Variants in ANKS1B observed in about 807,000 individuals in gnomAD.
ANKS1B encodes the protein ankyrin repeat and sterile alpha motif domain containing 1B.
Under a neutral mutation model 148.3 loss-of-function variants are expected in ANKS1B, and 36 were observed. The ratio of observed to expected loss-of-function variants is 0.24; its 90% CI spans 0.19 to 0.32. ANKS1B has a LOEUF of 0.32. Ranked by LOEUF, ANKS1B falls within the 10% of genes least tolerant of loss-of-function variation. The probability of loss-of-function intolerance (pLI) is 1.00; values close to 1 mark genes in which losing one functional copy is unlikely to be tolerated. For missense variants in ANKS1B, 1,157 were observed against 1,542.6 expected, an observed-to-expected ratio of 0.75 and a Z score of 4.19; for synonymous variants, 542 against 560.8, an observed-to-expected ratio of 0.97 and a Z score of 0.47.
intron 4 of ANKS1B, among the ~76,000 whole-genome samples, chr12:99,801,094 T>A (rs1179111079): frequency 1.3e-5 from 2 of 152,158 alleles, no homozygotes; most frequent in African/African-American, 4.8e-5. Context: ...TGAGTATATT[T>A]CTCTTCCTCT....
In ANKS1B at chr12:99,962,939, G is replaced by A. The variant is rs2095435423; in HGVS notation, c.134+21165C>T. ...CGCCATTCTCCTGCCTCAGCCTCCG[G>A]AGTAGCTGGGACTACAGGCGCCCAC... On this transcript the variant is annotated intron_variant, in intron 1 of 26. Transcript: ENST00000683438. 2.0e-5 allele frequency among the ~76,000 whole-genome samples: 3 copies of A among 151,864 alleles called. No individual in the cohort carries two copies. In the South Asian group the frequency reaches 6.2e-4, roughly 32 times the overall value.
At chr12:99,368,539 T>C (rs989325206) in intron 12 of ANKS1B, among the ~76,000 whole-genome samples, 2 of 152,056 alleles carry the variant, frequency 1.3e-5, no homozygotes, top group African/African-American at 4.8e-5. Context: ...AGATCAAAGT[T>C]AGAAACTTAT....
chr12:99,155,063 T>C, intron 14 of ANKS1B: 1 of 1,534,908 alleles, frequency 6.5e-7, no homozygotes, highest in Non-Finnish European at 8.7e-7. Flanking sequence ...TAAATCTGAA[T>C]TGAATCTTCA....
chr12:99,638,847 G>A (rs941710477), intron 9 of ANKS1B, among the ~76,000 whole-genome samples: 13 of 152,140 alleles, frequency 8.5e-5, no homozygotes, highest in Non-Finnish European at 1.0e-4. Flanking sequence ...ACAACTTGGC[G>A]CCCTGCATCC....
chr12:98,798,049 G>A (rs146076622), intron 22 of ANKS1B, among the ~76,000 whole-genome samples: 7 of 152,092 alleles, frequency 4.6e-5, no homozygotes, highest in African/African-American at 7.2e-5. Flanking sequence ...TCTGCAATAC[G>A]AGTTAGAGTT....
At chr12:99,591,914 A>G (rs995396820) in intron 9 of ANKS1B, among the ~76,000 whole-genome samples, 1 of 152,186 alleles carries the variant, frequency 6.6e-6, no homozygotes, top group Non-Finnish European at 1.5e-5. Context: ...ATCTTTTTCA[A>G]TTGCTGTTGC....
At chr12:99,736,914 T>C (rs375417119) in intron 8 of ANKS1B, among the ~76,000 whole-genome samples, 1 of 152,166 alleles carries the variant, frequency 6.6e-6, no homozygotes, top group South Asian at 2.1e-4. Context: ...CAAGAAGACA[T>C]ACAAATGGCC....
chr12:99,183,699 G>A (rs1566575293), intron 14 of ANKS1B, among the ~76,000 whole-genome samples: 1 of 152,158 alleles, frequency 6.6e-6, no homozygotes, highest in Non-Finnish European at 1.5e-5. Flanking sequence ...TTGGGAAATA[G>A]AGGGCAAAGC....
chr12:99,812,005 C>A, intron 3 of ANKS1B, 150 bp downstream of exon 3: 1 of 888,448 alleles, frequency 1.1e-6, no homozygotes. Flanking sequence ...TATCCAAACA[C>A]CAAAGAATTT....
At chr12:99,796,732 T>C (rs1051195256) in intron 4 of ANKS1B, among the ~76,000 whole-genome samples, 15 of 151,920 alleles carry the variant, frequency 9.9e-5, no homozygotes, top group Non-Finnish European at 2.9e-5. Flanking sequence ...TGACAAGTAT[T>C]ATCAATAATA....
chr12:99,776,971 C>T (rs1457561521), intron 6 of ANKS1B, among the ~76,000 whole-genome samples: 4 of 152,248 alleles, frequency 2.6e-5, no homozygotes, highest in South Asian at 2.1e-4. Flanking sequence ...GCGTGAGCCA[C>T]CGCACCCTGC....
intron 17 of ANKS1B, among the ~76,000 whole-genome samples, chr12:98,923,229 C>T (rs902174604): frequency 1.1e-4 from 16 of 152,128 alleles, no homozygotes; most frequent in African/African-American, 3.6e-4. Flanking sequence ...CCTTTCTCAG[C>T]CTGTGATCTC....
intron 9 of ANKS1B, among the ~76,000 whole-genome samples, chr12:99,652,829 T>A (rs1467853944): frequency 6.6e-6 from 1 of 152,102 alleles, no homozygotes; most frequent in African/African-American, 2.4e-5. Flanking sequence ...GAGTTATTGT[T>A]CAATGGAAAG....
intron 17 of ANKS1B, among the ~76,000 whole-genome samples, chr12:98,841,882 C>T (rs2099408511): frequency 6.6e-6 from 1 of 151,998 alleles, no homozygotes; most frequent in African/African-American, 2.4e-5. Context: ...AGGAATCACC[C>T]TAAACCCATA....
intron 1 of ANKS1B, among the ~76,000 whole-genome samples, chr12:99,919,213 TCAGACAATCC>T (rs899656534): frequency 1.3e-5 from 2 of 152,012 alleles, no homozygotes; most frequent in African/African-American, 4.8e-5. Context: ...AATTCTGGAG[TCAGACAATCC>T]CAGTTTTGCA....
At chr12:99,792,151 T>G (rs1191185175) in intron 4 of ANKS1B, among the ~76,000 whole-genome samples, 1 of 151,760 alleles carries the variant, frequency 6.6e-6, no homozygotes, top group East Asian at 1.9e-4. Flanking sequence ...CTAGAAGAAA[T>G]GGATAAATTC....
intron 9 of ANKS1B, among the ~76,000 whole-genome samples, chr12:99,574,978 TTA>T (rs1268999740): frequency 6.6e-6 from 1 of 152,096 alleles, no homozygotes; most frequent in African/African-American, 2.4e-5. Flanking sequence ...AGCAATAAAA[TTA>T]TCTTTATTGA....
intron 15 of ANKS1B, among the ~76,000 whole-genome samples, chr12:99,089,468 C>T (rs2053294306): frequency 6.6e-6 from 1 of 152,166 alleles, no homozygotes; most frequent in African/African-American, 2.4e-5. Context: ...TAGGTGATGG[C>T]CACCATATTG....
chr12:99,572,612 T>G (rs1025410758), intron 9 of ANKS1B, among the ~76,000 whole-genome samples: 4 of 152,106 alleles, frequency 2.6e-5, no homozygotes, highest in African/African-American at 9.7e-5. Context: ...TTTTAGGTAC[T>G]TGTGGGCTAT....
Sources: allele counts gnomAD v4.1 joint callset (sites outside exome capture counted in the v4.1 genomes callset), GRCh38; gene constraint gnomAD v4.1.1; transcripts MANE v1.5; gene names NCBI Gene and HGNC (gene_info 2026-07-23, HGNC 2026-07-21).